PRKCE: variants seen among roughly 807,000 people sequenced by gnomAD.
PRKCE encodes protein kinase C epsilon type.
PRKCE carries 16 observed loss-of-function variants against 85.4 expected under a neutral mutation model. The observed-to-expected ratio is 0.19, with a 90% CI of 0.13 to 0.28. PRKCE has a LOEUF of 0.28. Ranked by LOEUF, PRKCE falls within the 10% of genes least tolerant of loss-of-function variation. PRKCE has a pLI of 1.00. For synonymous variants in PRKCE, 388 were observed against 371.5 expected, an observed-to-expected ratio of 1.04 and a Z score of -0.51; for missense variants, 573 against 975.2, an observed-to-expected ratio of 0.59 and a Z score of 5.49.
intron 5 of PRKCE, among the ~76,000 whole-genome samples, chr2:45,981,908 G>A (rs775042997): frequency 4.6e-5 from 7 of 152,172 alleles, no homozygotes; most frequent in South Asian, 4.2e-4. Context: ...GGAAAGGTCC[G>A]ATAAGAGTCC....
At chr2:46,142,630 C>T (rs1675658097) in intron 11 of PRKCE, among the ~76,000 whole-genome samples, 1 of 152,230 alleles carries the variant, frequency 6.6e-6, no homozygotes, top group South Asian at 2.1e-4. Context: ...TTGGCTGTGG[C>T]AGCCACCCTG....
chr2:45,837,126 T>G (rs529019399), intron 1 of PRKCE, among the ~76,000 whole-genome samples: 1 of 152,328 alleles, frequency 6.6e-6, no homozygotes, highest in African/African-American at 2.4e-5. Flanking sequence ...CAGCAGCACA[T>G]CAGCCAGCAG....
intron 2 of PRKCE, among the ~76,000 whole-genome samples, chr2:45,915,771 T>C (rs1697725458): frequency 6.6e-6 from 1 of 152,194 alleles, no homozygotes; most frequent in African/African-American, 2.4e-5. Flanking sequence ...AGACATGACC[T>C]GACTAGAAGT....
intron 1 of PRKCE, chr2:45,675,537 A>G (rs1346832432): frequency 6.6e-6 from 1 of 152,218 alleles, no homozygotes; most frequent in Admixed American, 6.5e-5. Context: ...GGTATTGGCT[A>G]ATTTTAAACC....
chr2:46,141,957 A>G (rs571320466), intron 11 of PRKCE, among the ~76,000 whole-genome samples: 21 of 152,208 alleles, frequency 1.4e-4, no homozygotes, highest in African/African-American at 4.3e-4. Context: ...CTGGGAAACC[A>G]TTATTCCCAG....
At chr2:45,792,576 T>A (rs1687116876) in intron 1 of PRKCE, among the ~76,000 whole-genome samples, 2 of 152,094 alleles carry the variant, frequency 1.3e-5, no homozygotes, top group Admixed American at 1.3e-4. Context: ...GGGTGGCTTC[T>A]GCTGCCTGGT....
intron 6 of PRKCE, among the ~76,000 whole-genome samples, chr2:45,989,161 A>T (rs950317760): frequency 4.6e-5 from 7 of 152,156 alleles, no homozygotes; most frequent in Non-Finnish European, 1.0e-4. Context: ...GCTTTTTCTC[A>T]TCCCCATCTG....
At chr2:46,129,036 T>C (rs772955307) in intron 11 of PRKCE, among the ~76,000 whole-genome samples, 4 of 152,178 alleles carry the variant, frequency 2.6e-5, no homozygotes, top group Non-Finnish European at 5.9e-5. Context: ...GAGTTTCAAA[T>C]CTTAGTTTCC....
intron 10 of PRKCE, among the ~76,000 whole-genome samples, chr2:46,029,813 C>T (rs1707393316): frequency 6.6e-6 from 1 of 151,898 alleles, no homozygotes; most frequent in African/African-American, 2.4e-5. Flanking sequence ...CAAACTCCTG[C>T]AGCTTTTTTT....
intron 2 of PRKCE, among the ~76,000 whole-genome samples, chr2:45,899,091 C>A (rs745516659): frequency 2.0e-5 from 3 of 152,188 alleles, no homozygotes; most frequent in Non-Finnish European, 2.9e-5. Flanking sequence ...GAATCCAAGT[C>A]CCGCAGGACA....
chr2:46,024,478 CT>C (rs1485324921), intron 10 of PRKCE, among the ~76,000 whole-genome samples: 2 of 152,070 alleles, frequency 1.3e-5, no homozygotes, highest in Non-Finnish European at 2.9e-5. Context: ...AAATTAATTC[CT>C]TTGTTGGGTC....
chr2:45,825,429 G>A lies in PRKCE; in HGVS notation c.349-17571G>A, dbSNP rs78917219. The stretch of plus-strand genomic sequence containing the variant: ...TGTGTTAGAGCAACAGCAGCAGGCA[G>A]ATAGGTTTCTTAGCAACAGGAAATG... On this transcript the variant is annotated intron_variant, in intron 1 of 14. Transcript: ENST00000306156. Among the ~76,000 whole-genome samples, 975 of 152,364 alleles carry A rather than the reference G, an allele frequency of 6.4e-3. 16 individuals are homozygous for A. Among genetic ancestry groups the A allele is most frequent in the African/African-American group, 0.023 (942 of 41,586 alleles).
At chr2:45,996,755 A>AT (rs1406874399) in intron 6 of PRKCE, among the ~76,000 whole-genome samples, 2 of 152,032 alleles carry the variant, frequency 1.3e-5, no homozygotes, top group African/African-American at 2.4e-5. Context: ...GTTGTTGAAG[A>AT]TTTTTTGCAT....
chr2:45,972,542 C>A (rs1319618813), intron 2 of PRKCE, among the ~76,000 whole-genome samples: 2 of 152,140 alleles, frequency 1.3e-5, no homozygotes, highest in African/African-American at 4.8e-5. Flanking sequence ...TTGCCAAGAC[C>A]AATGTCAAGA....
In PRKCE at chr2:45,993,533, C is replaced by T. The variant is rs541585201; in HGVS notation, c.824-7871C>T. On this transcript the variant is annotated intron_variant, in intron 6 of 14. Coordinates refer to ENST00000306156, the MANE Select transcript of PRKCE (RefSeq NM_005400.3). The stretch of plus-strand genomic sequence containing the variant: ...AAACCAAAAAAAGATACCCCCTTTG[C>T]CGACCTGCCAGCCCAAGTTGTTTTG... Among the ~76,000 whole-genome samples the T allele has an allele frequency of 8.5e-5, 13 of 152,350 alleles. No individual in the cohort carries two copies. In the South Asian group the frequency reaches 2.7e-3, roughly 32 times the overall value.
chr2:46,015,518 C>T (rs553827798), intron 10 of PRKCE, among the ~76,000 whole-genome samples: 2 of 152,148 alleles, frequency 1.3e-5, no homozygotes, highest in South Asian at 4.1e-4. Flanking sequence ...TCCCTTGCTG[C>T]CCTAGGGAAA....
chr2:45,811,385 G>A (rs181381586), intron 1 of PRKCE, among the ~76,000 whole-genome samples: 4 of 152,300 alleles, frequency 2.6e-5, no homozygotes, highest in Admixed American at 6.5e-5. Context: ...GCATGCAGGA[G>A]AGTGTGTATA....
intron 1 of PRKCE, among the ~76,000 whole-genome samples, chr2:45,828,673 T>G (rs928724323): frequency 6.6e-6 from 1 of 152,226 alleles, no homozygotes; most frequent in Non-Finnish European, 1.5e-5. Flanking sequence ...GGCAATTTAC[T>G]CAGGTACTTT....
rs182250933 is a variant in PRKCE, at chr2:46,176,309, C to T, written c.2068-8426C>T. Among the ~76,000 whole-genome samples the T allele has an allele frequency of 6.1e-4, 93 of 152,140 alleles. 2 individuals carry two copies. Among genetic ancestry groups the T allele is most frequent in the East Asian group, 2.7e-3 (14 of 5,144 alleles). ...ATCCCTAGAGTGGGACGAGCAGCTCCGTGCGTTGAAGCTCCCCCAGGTGAC... is the reference window on the plus strand; with the variant it reads ...ATCCCTAGAGTGGGACGAGCAGCTCTGTGCGTTGAAGCTCCCCCAGGTGAC... On this transcript the variant is annotated intron_variant, in intron 14 of 14. Transcript: ENST00000306156.
Sources: gnomAD v4.1 joint callset for allele counts (sites outside exome capture counted in the v4.1 genomes callset) on GRCh38, gnomAD v4.1.1 for gene constraint, MANE v1.5 for transcripts, NCBI Gene and HGNC (gene_info 2026-07-23, HGNC 2026-07-21) for gene names.